LIN52: variants seen among roughly 807,000 people sequenced by gnomAD.
LIN52 encodes lin-52 DREAM MuvB core complex component, also known as protein lin-52 homolog.
In LIN52, 4 loss-of-function variants were observed where a neutral mutation model predicts 18.5. The ratio of observed to expected loss-of-function variants is 0.22; its 90% CI spans 0.11 to 0.49. The LOEUF is 0.49. Ranked by LOEUF, LIN52 falls within the 20% of genes least tolerant of loss-of-function variation. The pLI is 0.97. For synonymous variants in LIN52, 34 were observed against 45.5 expected (o/e 0.75, Z 1.02); for missense variants, 102 against 139.5 (o/e 0.73, Z 1.35).
intron 5 of LIN52, chr14:74,114,211 T>TGC: frequency 1.1e-6 from 1 of 951,372 alleles, no homozygotes; most frequent in South Asian, 4.8e-5. Context: ...TGTGTGTGTG[T>TGC]GTAGTTTTAA....
intron 5 of LIN52, among the ~76,000 whole-genome samples, chr14:74,185,067 G>A (rs1056955212): frequency 1.3e-5 from 2 of 151,756 alleles, no homozygotes; most frequent in Non-Finnish European, 2.9e-5. Context: ...TCCAGATTTG[G>A]AATCTTATCC....
At chr14:74,099,226 G>A (rs886818336) in intron 4 of LIN52, among the ~76,000 whole-genome samples, 1 of 152,096 alleles carries the variant, frequency 6.6e-6, no homozygotes, top group African/African-American at 2.4e-5. Context: ...AACATATCAA[G>A]AAAGTCTACT....
chr14:74,178,584 A>G (rs181393462), intron 5 of LIN52, among the ~76,000 whole-genome samples: 407 of 151,596 alleles, frequency 2.7e-3, no homozygotes, highest in Non-Finnish European at 4.6e-3. Flanking sequence ...TAGCCTCCCG[A>G]GTAGCTGGGA....
chr14:74,097,933 T>C (rs78868240), intron 4 of LIN52, 73 bp downstream of exon 4: 1 of 1,148,852 alleles, frequency 8.7e-7, no homozygotes. Flanking sequence ...ATTTTTTTTT[T>C]CTGTTTCCTT....
At chr14:74,093,624 C>G (rs1339638838) in intron 2 of LIN52, among the ~76,000 whole-genome samples, 1 of 152,136 alleles carries the variant, frequency 6.6e-6, no homozygotes, top group African/African-American at 2.4e-5. Context: ...CTGCACCTGG[C>G]CCACTCTTAT....
intron 5 of LIN52, among the ~76,000 whole-genome samples, chr14:74,191,040 T>C (rs1162924171): frequency 6.6e-6 from 1 of 152,206 alleles, no homozygotes; most frequent in Non-Finnish European, 1.5e-5. Context: ...GTGATACTTT[T>C]CCTGTGGAGA....
chr14:74,095,339 T>TG (rs2060803430), intron 2 of LIN52, among the ~76,000 whole-genome samples: 1 of 151,778 alleles, frequency 6.6e-6, no homozygotes, highest in Non-Finnish European at 1.5e-5. Context: ...TTCACTATAT[T>TG]GCCCAGGCTG....
At chr14:74,180,502 C>T (rs1457109589) in intron 5 of LIN52, among the ~76,000 whole-genome samples, 2 of 151,924 alleles carry the variant, frequency 1.3e-5, no homozygotes, top group African/African-American at 4.8e-5. Flanking sequence ...TCGTGATCCA[C>T]TCGCCTCGGC....
At chr14:74,130,278 G>GTTTTTTTTTTTGTTTTTTTTTTTT (rs2061055285) in intron 5 of LIN52, among the ~76,000 whole-genome samples, 32 of 64,796 alleles carry the variant, frequency 4.9e-4, no homozygotes, top group South Asian at 2.0e-3. Flanking sequence ...GCATTTTTTG[G>GTTTTTTTTTTTGTTTTTTTTTTTT]TTTTTTTTTT....
chr14:74,163,074 G>A (rs2061232919), intron 5 of LIN52, among the ~76,000 whole-genome samples: 1 of 152,102 alleles, frequency 6.6e-6, no homozygotes, highest in African/African-American at 2.4e-5. Flanking sequence ...ATTCTCCCTT[G>A]CTACCTTCTT....
At chr14:74,176,204 C>G (rs2061293827) in intron 5 of LIN52, among the ~76,000 whole-genome samples, 1 of 152,020 alleles carries the variant, frequency 6.6e-6, no homozygotes, top group Admixed American at 6.6e-5. Context: ...GCTCTGTCAC[C>G]CAGGCTAGAG....
chr14:74,176,715 T>A (rs2061295975), intron 5 of LIN52, among the ~76,000 whole-genome samples: 2 of 152,170 alleles, frequency 1.3e-5, no homozygotes, highest in South Asian at 4.1e-4. Flanking sequence ...TGTGGTTCAT[T>A]GTTGGCTGAA....
chr14:74,144,750 G>A (rs899646670), intron 5 of LIN52, among the ~76,000 whole-genome samples: 7 of 152,240 alleles, frequency 4.6e-5, no homozygotes, highest in South Asian at 2.1e-4. Context: ...AATTGTTACC[G>A]TTTGGGCCTT....
At chr14:74,091,369 G>T in intron 2 of LIN52, 63 bp downstream of exon 2, 1 of 1,106,742 alleles carries the variant, frequency 9.0e-7, no homozygotes, top group Non-Finnish European at 1.3e-6. Flanking sequence ...TTTTTAAAGA[G>T]ATTTTTAAAG....
intron 5 of LIN52, among the ~76,000 whole-genome samples, chr14:74,108,969 C>G (rs1044951360): frequency 1.3e-5 from 2 of 152,058 alleles, no homozygotes; most frequent in Non-Finnish European, 2.9e-5. Flanking sequence ...CCTGATAAAC[C>G]ATTGCCTAAT....
intron 5 of LIN52, among the ~76,000 whole-genome samples, chr14:74,103,833 C>A (rs2060879092): frequency 6.8e-6 from 1 of 147,442 alleles, no homozygotes; most frequent in African/African-American, 2.5e-5. Flanking sequence ...AGCAATCAGC[C>A]CACCTCAGCC....
At chr14:74,089,023 G>A (rs915787128) in intron 1 of LIN52, among the ~76,000 whole-genome samples, 2 of 152,114 alleles carry the variant, frequency 1.3e-5, no homozygotes, top group Non-Finnish European at 2.9e-5. Context: ...ACTGATTGAC[G>A]TTTAAAAAAA....
intron 5 of LIN52, among the ~76,000 whole-genome samples, chr14:74,159,235 T>TA (rs773412104): frequency 6.6e-6 from 1 of 151,666 alleles, no homozygotes; most frequent in Non-Finnish European, 1.5e-5. Flanking sequence ...ATTCTGAGAT[T>TA]AAAAAAAAAT....
intron 5 of LIN52, among the ~76,000 whole-genome samples, chr14:74,116,372 T>C (rs2060964733): frequency 6.6e-6 from 1 of 152,054 alleles, no homozygotes; most frequent in South Asian, 2.1e-4. Context: ...AGGTGAATTA[T>C]AGTGTTACCC....
Sources: allele counts gnomAD v4.1 joint callset (sites outside exome capture counted in the v4.1 genomes callset), GRCh38; gene constraint gnomAD v4.1.1; transcripts MANE v1.5; gene names NCBI Gene and HGNC (gene_info 2026-07-23, HGNC 2026-07-21).